RUNX2: variants seen among roughly 807,000 people sequenced by gnomAD.
The protein encoded by RUNX2 is runt-related transcription factor 2.
A neutral mutation model predicts 51.7 loss-of-function variants in RUNX2; 10 were observed. That is an observed-to-expected ratio of 0.19 (90% CI 0.12 to 0.33). The LOEUF (loss-of-function observed/expected upper bound fraction) is 0.33, where lower values mean the gene tolerates loss of function less well. Ranked by LOEUF, RUNX2 falls within the 10% of genes least tolerant of loss-of-function variation. The pLI, the probability that RUNX2 is intolerant of heterozygous loss-of-function variation, is 1.00. For missense variants in RUNX2, 562 were observed against 691.3 expected (o/e 0.81, Z 2.10); for synonymous variants, 276 against 273.6 (o/e 1.01, Z -0.09).
chr6:45,545,227 T>C lies in RUNX2; in HGVS notation c.1032T>C (p.Thr344=). Residue 344 remains threonine (T), a synonymous_variant, in exon 8 of 9, where the codon ACT becomes ACC. Transcript: ENST00000647337. ...DVPRRISDDD[T]ATSDFCLWPS... ...CCCCTCATTTTACAGATGATGACAC[T>C]GCCACCTCTGACTTCTGCCTCTGGC... The C allele has an allele frequency of 6.5e-7, 1 of 1,549,400 alleles. No homozygotes were observed. The highest frequency in any genetic ancestry group is 1.7e-4 in the Middle Eastern group (1 of 5,990).
chr6:45,529,723 GC>G (rs1442022844), intron 7 of RUNX2, among the ~76,000 whole-genome samples: 3 of 152,054 alleles, frequency 2.0e-5, no homozygotes, highest in African/African-American at 7.2e-5. Flanking sequence ...ACAGATAACA[GC>G]CCCTGGAAAA....
intron 6 of RUNX2, among the ~76,000 whole-genome samples, chr6:45,496,499 A>G (rs893150227): frequency 6.6e-6 from 1 of 152,240 alleles, no homozygotes; most frequent in Admixed American, 6.5e-5. Flanking sequence ...ATGAAATAGG[A>G]TAATTGCTAG....
intron 7 of RUNX2, among the ~76,000 whole-genome samples, chr6:45,544,798 A>T (rs967051299): frequency 6.6e-6 from 1 of 152,212 alleles, no homozygotes; most frequent in Non-Finnish European, 1.5e-5. Context: ...GTATTGTACG[A>T]GGCAGGGCAC....
At position 45,492,021 on chromosome 6, in the gene RUNX2, A is replaced by G. The variant is rs1800492558; in HGVS notation, c.766A>G (p.Ser256Gly). Residue 256 changes from serine (S) to glycine (G), a missense_variant, in exon 6 of 9, where the codon AGT (serine) becomes GGT (glycine). Transcript: ENST00000647337. ...TGATTTAGGGCGCATTCCTCATCCC[A>G]GTATGAGAGTAGGTGTCCCGCCTCA... Reference protein sequence around the residue: ...LSDLGRIPHPSMRVGVPPQNP... With the variant: ...LSDLGRIPHPGMRVGVPPQNP... 1.2e-6 allele frequency: 2 copies of G among 1,613,854 alleles called. No homozygotes were observed. Among genetic ancestry groups the G allele is most frequent in the Non-Finnish European group, 1.7e-6 (2 of 1,179,812 alleles).
chr6:45,501,852 C>T (rs1314310517), intron 6 of RUNX2, among the ~76,000 whole-genome samples: 1 of 152,184 alleles, frequency 6.6e-6, no homozygotes, highest in Admixed American at 6.5e-5. Context: ...AGCAAGTCAA[C>T]ACCAACAGTG....
chr6:45,340,972 C>T (rs1468856064), intron 2 of RUNX2, among the ~76,000 whole-genome samples: 2 of 152,110 alleles, frequency 1.3e-5, no homozygotes, highest in Non-Finnish European at 2.9e-5. Context: ...ATCCAGACAA[C>T]CTTTATTTCT....
At chr6:45,492,171 G>T (rs1390895900) in intron 6 of RUNX2, 57 bp downstream of exon 6, 7 of 1,552,826 alleles carry the variant, frequency 4.5e-6, no homozygotes, top group South Asian at 1.1e-5. Context: ...GGGGTGAGGG[G>T]CTACCAGAGG....
intron 6 of RUNX2, among the ~76,000 whole-genome samples, chr6:45,509,349 T>C (rs960771779): frequency 7.9e-5 from 12 of 152,246 alleles, no homozygotes; most frequent in Non-Finnish European, 2.9e-5. Flanking sequence ...ATTTATTATA[T>C]ACTTAATATG....
rs149231830 is a variant in RUNX2, at chr6:45,399,589, A to G, written c.59-23004A>G. On this transcript the variant is annotated intron_variant, in intron 2 of 8. Coordinates refer to ENST00000647337, the MANE Select transcript of RUNX2 (RefSeq NM_001024630.4). ...TGGTCAGGGTAGTCTTGAACTCCTGACCTCATGATCTGCCCACCTTGGCCT... is the reference window on the plus strand; with the variant it reads ...TGGTCAGGGTAGTCTTGAACTCCTGGCCTCATGATCTGCCCACCTTGGCCT... Among the ~76,000 whole-genome samples, 1,066 of 150,832 alleles carry G rather than the reference A, an allele frequency of 7.1e-3. 9 individuals carry two copies. The highest frequency in any genetic ancestry group is 0.01 in the Non-Finnish European group (710 of 67,708).
intron 2 of RUNX2, among the ~76,000 whole-genome samples, chr6:45,354,485 TCA>T: frequency 6.6e-6 from 1 of 152,240 alleles, no homozygotes; most frequent in Middle Eastern, 3.4e-3. Context: ...TCTTTTTTGC[TCA>T]TCTGTGTGAG....
intron 5 of RUNX2, among the ~76,000 whole-genome samples, chr6:45,453,776 A>G (rs1799243027): frequency 6.6e-6 from 1 of 152,202 alleles, no homozygotes; most frequent in Non-Finnish European, 1.5e-5. Flanking sequence ...GATTCCCCAC[A>G]TTGACTCTCT....
chr6:45,374,969 G>T (rs1796574971), intron 2 of RUNX2, among the ~76,000 whole-genome samples: 2 of 152,204 alleles, frequency 1.3e-5, no homozygotes, highest in Non-Finnish European at 1.5e-5. Flanking sequence ...AACTTTGGGA[G>T]GCTGAGGCGG....
In RUNX2 at chr6:45,548,391, T is replaced by A. The variant is rs1301882962; in HGVS notation, c.*1086T>A. On this transcript the variant is annotated 3_prime_UTR_variant, in exon 9 of 9. Transcript: ENST00000647337. ...AATGTGATTTTAAAAAATACTTCCA[T>A]CTCCAAATATTTTAGATATAGATTG... 1 of 152,640 alleles carries A rather than the reference T, an allele frequency of 6.6e-6. No individual in the cohort carries two copies. The highest frequency in any genetic ancestry group is 1.9e-4 in the East Asian group (1 of 5,204). The allele number at this position is 152,640 out of a possible 1,614,324, so 9.5% of individuals were successfully genotyped here. A position where few individuals can be genotyped will look rare whatever the true frequency, so the allele number is the denominator to read the frequency against.
intron 3 of RUNX2, among the ~76,000 whole-genome samples, chr6:45,424,793 CAA>C: frequency 6.6e-6 from 1 of 152,148 alleles, no homozygotes; most frequent in East Asian, 1.9e-4. Flanking sequence ...CATTCTGGGG[CAA>C]GTTTCATTTT....
intron 2 of RUNX2, among the ~76,000 whole-genome samples, chr6:45,332,469 C>T (rs1008997915): frequency 4.6e-5 from 7 of 151,636 alleles, no homozygotes; most frequent in Non-Finnish European, 1.0e-4. Flanking sequence ...TGAAAATTGA[C>T]GGCAAAACAG....
At chr6:45,360,340 C>A (rs1380618802) in intron 2 of RUNX2, among the ~76,000 whole-genome samples, 1 of 152,168 alleles carries the variant, frequency 6.6e-6, no homozygotes, top group African/African-American at 2.4e-5. Context: ...ACAGCATGTT[C>A]TATACAAGCA....
intron 4 of RUNX2, among the ~76,000 whole-genome samples, chr6:45,433,228 C>A (rs1563084232): frequency 6.6e-6 from 1 of 152,060 alleles, no homozygotes; most frequent in Non-Finnish European, 1.5e-5. Flanking sequence ...CCGGTAGAAT[C>A]AAAACTAAGG....
chr6:45,537,079 C>G (rs1802060920), intron 7 of RUNX2, among the ~76,000 whole-genome samples: 1 of 152,180 alleles, frequency 6.6e-6, no homozygotes, highest in African/African-American at 2.4e-5. Flanking sequence ...TTGCTGTGTA[C>G]TGTTACCAAT....
chr6:45,411,249 T>A (rs1003939904), intron 2 of RUNX2, among the ~76,000 whole-genome samples: 16 of 152,252 alleles, frequency 1.1e-4, no homozygotes, highest in African/African-American at 3.6e-4. Flanking sequence ...AATTTATTTT[T>A]CTTTTCATAT....
Sources: allele counts gnomAD v4.1 joint callset (sites outside exome capture counted in the v4.1 genomes callset), GRCh38; gene constraint gnomAD v4.1.1; transcripts MANE v1.5; gene names NCBI Gene and HGNC (gene_info 2026-07-23, HGNC 2026-07-21).